Variants in ANKS1B observed in about 807,000 individuals in gnomAD.
ANKS1B encodes the protein ankyrin repeat and sterile alpha motif domain-containing protein 1B.
A neutral mutation model predicts 148.3 loss-of-function variants in ANKS1B; 36 were observed. The ratio of observed to expected loss-of-function variants is 0.24; its 90% CI spans 0.19 to 0.32. The LOEUF (loss-of-function observed/expected upper bound fraction) is 0.32. ANKS1B is among the 10% of genes least tolerant of loss of function. The probability of loss-of-function intolerance (pLI) is 1.00; values close to 1 mark genes in which losing one functional copy is unlikely to be tolerated. For synonymous variants in ANKS1B, 542 were observed against 560.8 expected, an observed-to-expected ratio of 0.97 and a Z score of 0.47; for missense variants, 1,157 against 1,542.6, an observed-to-expected ratio of 0.75 and a Z score of 4.19.
chr12:99,486,742 C>A (rs927454911), intron 10 of ANKS1B, among the ~76,000 whole-genome samples: 2 of 152,142 alleles, frequency 1.3e-5, no homozygotes, highest in Non-Finnish European at 2.9e-5. Flanking sequence ...AGTTATCCAC[C>A]TCTCAGACAC....
At chr12:99,004,374 G>A (rs189619713) in intron 17 of ANKS1B, among the ~76,000 whole-genome samples, 2 of 152,138 alleles carry the variant, frequency 1.3e-5, no homozygotes, top group East Asian at 3.9e-4. Flanking sequence ...GTCCTCATAG[G>A]GTTGTTTGAA....
chr12:99,842,113 G>A (rs746370113), intron 1 of ANKS1B, among the ~76,000 whole-genome samples: 9 of 151,698 alleles, frequency 5.9e-5, no homozygotes, highest in African/African-American at 2.2e-4. Context: ...ACATTTCTAC[G>A]GAGGTTTTGC....
At chr12:99,666,845 T>G (rs776881463) in intron 8 of ANKS1B, among the ~76,000 whole-genome samples, 25 of 146,488 alleles carry the variant, frequency 1.7e-4, no homozygotes, top group African/African-American at 4.9e-4. Flanking sequence ...TCACGTCATA[T>G]AGTTACTATG....
At chr12:99,404,790 G>T (rs1172518542) in intron 11 of ANKS1B, among the ~76,000 whole-genome samples, 1 of 145,310 alleles carries the variant, frequency 6.9e-6, no homozygotes, top group East Asian at 1.9e-4. Flanking sequence ...CAATATTCAA[G>T]TATAAGAAGG....
intron 1 of ANKS1B, among the ~76,000 whole-genome samples, chr12:99,953,424 C>T (rs61941581): frequency 0.055 from 8,418 of 152,040 alleles, 339 homozygotes; most frequent in Admixed American, 0.099. Context: ...CATATGAGTA[C>T]AAAAGATAAA....
chr12:99,942,441 A>G (rs2153816887), intron 1 of ANKS1B, among the ~76,000 whole-genome samples: 1 of 152,160 alleles, frequency 6.6e-6, no homozygotes, highest in East Asian at 1.9e-4. Context: ...CAGTGGAGAT[A>G]GCTGGAACAA....
chr12:99,174,393 A>T (rs1195710785), intron 14 of ANKS1B, among the ~76,000 whole-genome samples: 1 of 152,224 alleles, frequency 6.6e-6, no homozygotes, highest in South Asian at 2.1e-4. Context: ...GAGATTATAA[A>T]ATGTATGCTG....
At chr12:99,085,180 C>G in intron 15 of ANKS1B, 157 bp from the exon 16 acceptor site, 2 of 632,042 alleles carry the variant, frequency 3.2e-6, no homozygotes, top group South Asian at 3.9e-5. Context: ...CAGAGTCGGT[C>G]ACCTTGTTAC....
intron 17 of ANKS1B, among the ~76,000 whole-genome samples, chr12:98,850,501 TC>T (rs1486560402): frequency 8.0e-6 from 1 of 124,924 alleles, no homozygotes; most frequent in Non-Finnish European, 1.6e-5. Flanking sequence ...GGAGTCTCAC[TC>T]TGTCGCCCAG....
rs117095513 is a variant in ANKS1B at position 98,970,660 on chromosome 12, C to T, written c.2778+82497G>A. Among the ~76,000 whole-genome samples the T allele has an allele frequency of 1.3e-4, 20 of 152,324 alleles. No homozygotes were observed. In the East Asian group the frequency reaches 3.5e-3, roughly 26 times the overall value. On this transcript the variant is annotated intron_variant, in intron 17 of 26. Coordinates refer to ENST00000683438, the MANE Select transcript of ANKS1B (RefSeq NM_001352186.2). The stretch of plus-strand genomic sequence containing the variant: ...CAAAGGCATGCCTGGATTTTAACAT[C>T]TCATCCTCAGTGACTCTAATGGTGC...
At chr12:99,730,384 T>A (rs1356097085) in intron 8 of ANKS1B, among the ~76,000 whole-genome samples, 1 of 152,166 alleles carries the variant, frequency 6.6e-6, no homozygotes, top group Non-Finnish European at 1.5e-5. Flanking sequence ...AATGACACCC[T>A]CACTTTAAGA....
chr12:99,649,843 C>T (rs1280627196), intron 9 of ANKS1B: 8 of 157,820 alleles, frequency 5.1e-5, no homozygotes, highest in Non-Finnish European at 9.8e-5. Context: ...CTCTGCTACT[C>T]AGCATTGGGA....
chr12:98,765,291 G>C (rs749692110), intron 25 of ANKS1B, among the ~76,000 whole-genome samples: 46 of 152,156 alleles, frequency 3.0e-4, no homozygotes, highest in Non-Finnish European at 6.8e-4. Flanking sequence ...TTGAGTCAGA[G>C]TCTTGCTCAG....
chr12:99,085,458 C>T (rs1051584570), intron 15 of ANKS1B, among the ~76,000 whole-genome samples: 1 of 151,968 alleles, frequency 6.6e-6, no homozygotes, highest in Non-Finnish European at 1.5e-5. Flanking sequence ...CAGTGACTTA[C>T]ACATTGATAT....
intron 1 of ANKS1B, among the ~76,000 whole-genome samples, chr12:99,848,723 A>C (rs558844191): frequency 6.6e-6 from 1 of 152,290 alleles, no homozygotes; most frequent in Non-Finnish European, 1.5e-5. Flanking sequence ...ACAAGCCTAA[A>C]TATTAAAGGG....
At chr12:99,211,531 T>A (rs1422652300) in intron 14 of ANKS1B, among the ~76,000 whole-genome samples, 1 of 152,212 alleles carries the variant, frequency 6.6e-6, no homozygotes. Flanking sequence ...TGATTCTACT[T>A]TATAAAATGT....
chr12:99,290,457 C>T (rs2079805353), intron 12 of ANKS1B, among the ~76,000 whole-genome samples: 1 of 151,890 alleles, frequency 6.6e-6, no homozygotes, highest in African/African-American at 2.4e-5. Flanking sequence ...AAAGACACAT[C>T]ACAAAAAGAA....
rs919069735 is a variant in ANKS1B at position 99,974,266 on chromosome 12, A to G, written c.134+9838T>C. On this transcript the variant is annotated intron_variant, in intron 1 of 26. Coordinates refer to ENST00000683438, the MANE Select transcript of ANKS1B (RefSeq NM_001352186.2). ...GTTTTGTTAGATATAAGGATGTTGC[A>G]CACTTAACAGTACAATATAGTGTAA... is the stretch of plus-strand genomic sequence containing the variant. Among the ~76,000 whole-genome samples the G allele has an allele frequency of 8.5e-5, 13 of 152,344 alleles. No homozygotes were observed. The East Asian group carries it at 1.9e-3, about 23-fold the overall frequency.
At position 99,761,857 on chromosome 12, in the gene ANKS1B, T is replaced by C. The variant is rs116711911; in HGVS notation, c.1128+11065A>G. The stretch of plus-strand genomic sequence containing the variant: ...ATGACTTCAGCACATTTTCAGAACA[T>C]AAAATCTATATATGAAGATCATTAT... On this transcript the variant is annotated intron_variant, in intron 8 of 26. Transcript: ENST00000683438. 4.1e-3 allele frequency among the ~76,000 whole-genome samples: 631 copies of C among 152,140 alleles called. 5 individuals carry two copies. Among genetic ancestry groups the C allele is most frequent in the African/African-American group, 0.014 (570 of 41,568 alleles).
Sources: allele counts gnomAD v4.1 joint callset (sites outside exome capture counted in the v4.1 genomes callset), GRCh38; gene constraint gnomAD v4.1.1; transcripts MANE v1.5; gene names NCBI Gene and HGNC (gene_info 2026-07-23, HGNC 2026-07-21).